MNAT1: variants seen among roughly 807,000 people sequenced by gnomAD.
MNAT1 encodes CDK-activating kinase assembly factor MAT1.
MNAT1 carries 43 observed loss-of-function variants against 42.0 expected under a neutral mutation model. The ratio of observed to expected loss-of-function variants is 1.02; its 90% CI spans 0.80 to 1.32. MNAT1 has a LOEUF of 1.32. MNAT1 is among the 40% of genes most tolerant of loss of function. The probability of loss-of-function intolerance (pLI) is 0.00; values close to 1 mark genes in which losing one functional copy is unlikely to be tolerated. For synonymous variants in MNAT1, 118 were observed against 120.0 expected (o/e 0.98, Z 0.11); for missense variants, 306 against 350.4 (o/e 0.87, Z 1.01).
intron 6 of MNAT1, 53 bp downstream of exon 6, chr14:60,818,900 T>G: frequency 1.4e-5 from 22 of 1,571,292 alleles, no homozygotes; most frequent in Non-Finnish European, 1.9e-5. Context: ...AGGATTATGC[T>G]TTATAATTTT....
intron 7 of MNAT1, among the ~76,000 whole-genome samples, chr14:60,930,228 T>TTAG (rs2035858648): frequency 6.8e-6 from 1 of 147,188 alleles, no homozygotes; most frequent in South Asian, 2.1e-4. Context: ...ATTATTATTA[T>TTAG]TATTATTATT....
At chr14:60,896,115 T>G (rs910969669) in intron 7 of MNAT1, among the ~76,000 whole-genome samples, 1 of 152,210 alleles carries the variant, frequency 6.6e-6, no homozygotes, top group Non-Finnish European at 1.5e-5. Flanking sequence ...GAGAAATAGA[T>G]GAAGAATATT....
intron 6 of MNAT1, among the ~76,000 whole-genome samples, chr14:60,849,923 C>T (rs1206102442): frequency 6.6e-6 from 1 of 151,936 alleles, no homozygotes; most frequent in African/African-American, 2.4e-5. Flanking sequence ...TGCAACCTCC[C>T]CATCTCACGT....
chr14:60,768,152 C>T (rs755711017), intron 1 of MNAT1, among the ~76,000 whole-genome samples: 5 of 152,152 alleles, frequency 3.3e-5, no homozygotes, highest in African/African-American at 4.8e-5. Flanking sequence ...CCACCTGCTT[C>T]GACCTCCCAA....
At chr14:60,773,910 T>A (rs1424497496) in intron 1 of MNAT1, among the ~76,000 whole-genome samples, 1 of 152,204 alleles carries the variant, frequency 6.6e-6, no homozygotes, top group Non-Finnish European at 1.5e-5. Flanking sequence ...AAACTGGAGC[T>A]TTGGTCTTAG....
chr14:60,938,366 T>C (rs572942227), intron 7 of MNAT1, among the ~76,000 whole-genome samples: 17 of 152,300 alleles, frequency 1.1e-4, no homozygotes, highest in African/African-American at 3.4e-4. Context: ...TGTGGGTTTG[T>C]CATAGATAGC....
intron 7 of MNAT1, chr14:60,880,172 GA>G (rs2034521030): frequency 5.8e-6 from 1 of 172,420 alleles, no homozygotes; most frequent in Non-Finnish European, 1.2e-5. Flanking sequence ...ATAAAAATAT[GA>G]ATTGGGCTCC....
chr14:60,914,988 A>T (rs1412686835), intron 7 of MNAT1, among the ~76,000 whole-genome samples: 1 of 152,232 alleles, frequency 6.6e-6, no homozygotes, highest in African/African-American at 2.4e-5. Context: ...TTGGCTGATT[A>T]TTCTGAAATA....
intron 6 of MNAT1, among the ~76,000 whole-genome samples, chr14:60,869,770 T>C (rs1293776251): frequency 3.3e-5 from 5 of 152,212 alleles, no homozygotes; most frequent in Non-Finnish European, 7.3e-5. Flanking sequence ...CAACAATCTA[T>C]ATACTAATTG....
chr14:60,964,557 A>G (rs1429111824), intron 7 of MNAT1, among the ~76,000 whole-genome samples: 1 of 152,200 alleles, frequency 6.6e-6, no homozygotes, highest in Non-Finnish European at 1.5e-5. Context: ...GTTTCTGCTT[A>G]TACGATTTAC....
At chr14:60,961,968 A>G in intron 7 of MNAT1, among the ~76,000 whole-genome samples, 1 of 152,340 alleles carries the variant, frequency 6.6e-6, no homozygotes, top group South Asian at 2.1e-4. Context: ...AGAAGCTAGT[A>G]CATTTATTTT....
At chr14:60,857,607 G>A (rs187746538) in intron 6 of MNAT1, among the ~76,000 whole-genome samples, 18 of 152,062 alleles carry the variant, frequency 1.2e-4, no homozygotes, top group African/African-American at 3.4e-4. Context: ...TAAGTTCTGC[G>A]GTACATTTGT....
At chr14:60,752,123 A>G (rs1043081374) in intron 1 of MNAT1, among the ~76,000 whole-genome samples, 3 of 152,166 alleles carry the variant, frequency 2.0e-5, no homozygotes, top group Non-Finnish European at 4.4e-5. Context: ...ATATTTTGGT[A>G]CTGTTTCAGA....
intron 2 of MNAT1, 48 bp from the exon 3 acceptor site, chr14:60,798,039 A>G (rs535404985): frequency 2.6e-4 from 233 of 902,082 alleles, no homozygotes; most frequent in Middle Eastern, 5.1e-4. Context: ...AGATAATATT[A>G]AAAGCAATGA....
intron 7 of MNAT1, among the ~76,000 whole-genome samples, chr14:60,908,394 A>G (rs577181820): frequency 4.6e-5 from 7 of 152,232 alleles, no homozygotes; most frequent in African/African-American, 1.7e-4. Flanking sequence ...ATATGTATAC[A>G]TGTGCCATGT....
rs1024251776 is a variant in MNAT1, at chr14:60,898,934, T to C, written c.809+19099T>C. Among the ~76,000 whole-genome samples, 3 of 152,184 alleles carry C rather than the reference T, an allele frequency of 2.0e-5. 1 individual carries two copies. Among genetic ancestry groups the C allele is most frequent in the Middle Eastern group, 6.3e-3 (2 of 316 alleles). ...AATTCACCTTGAGTTGATTTTTGTATATGGTGAGAGATAGGAGTCCAGTTA... is the reference window on the plus strand; with the variant it reads ...AATTCACCTTGAGTTGATTTTTGTACATGGTGAGAGATAGGAGTCCAGTTA... On this transcript the variant is annotated intron_variant, in intron 7 of 7. Transcript: ENST00000261245.
chr14:60,867,283 C>T lies in MNAT1; in HGVS notation c.688-12431C>T, dbSNP rs77310234. On this transcript the variant is annotated intron_variant, in intron 6 of 7. Coordinates refer to ENST00000261245, the MANE Select transcript of MNAT1 (RefSeq NM_002431.4). ...ATGGTGCTGTGTCTGCAGGATGAAA[C>T]CTCTTTTTTTATTTTGAAGAAGCCA... Among the ~76,000 whole-genome samples, 18 of 152,076 alleles carry T rather than the reference C, an allele frequency of 1.2e-4. 1 individual carries two copies. The East Asian group carries it at 3.3e-3, about 28-fold the overall frequency.
chr14:60,888,530 A>T (rs2034743790), intron 7 of MNAT1, among the ~76,000 whole-genome samples: 1 of 151,894 alleles, frequency 6.6e-6, no homozygotes, highest in African/African-American at 2.4e-5. Context: ...CCCTTTGAAA[A>T]CTGGCACAAG....
intron 1 of MNAT1, among the ~76,000 whole-genome samples, chr14:60,767,964 C>A (rs1019405266): frequency 6.6e-6 from 1 of 152,054 alleles, no homozygotes; most frequent in African/African-American, 2.4e-5. Flanking sequence ...CGGGGTTTCA[C>A]CATGTTGGTC....
Sources: allele counts gnomAD v4.1 joint callset (sites outside exome capture counted in the v4.1 genomes callset), GRCh38; gene constraint gnomAD v4.1.1; transcripts MANE v1.5; gene names NCBI Gene and HGNC (gene_info 2026-07-23, HGNC 2026-07-21).